TCF4: variants seen among roughly 807,000 people sequenced by gnomAD.
The protein encoded by TCF4 is transcription factor 4.
Under a neutral mutation model 82.1 loss-of-function variants are expected in TCF4, and 3 were observed. The observed-to-expected ratio is 0.04, with a 90% CI of 0.02 to 0.09. The LOEUF (loss-of-function observed/expected upper bound fraction) is 0.09. Ranked by LOEUF, TCF4 falls within the 10% of genes least tolerant of loss-of-function variation. The pLI, the probability that TCF4 is intolerant of heterozygous loss-of-function variation, is 1.00. For missense variants in TCF4, 518 were observed against 852.7 expected, an observed-to-expected ratio of 0.61 and a Z score of 4.89; for synonymous variants, 276 against 309.6, an observed-to-expected ratio of 0.89 and a Z score of 1.14.
At chr18:55,273,796 A>G (rs2060895134) in intron 10 of TCF4, among the ~76,000 whole-genome samples, 2 of 152,164 alleles carry the variant, frequency 1.3e-5, no homozygotes, top group East Asian at 1.9e-4. Context: ...TCTCTAGTTC[A>G]TAATATTGTT....
intron 2 of TCF4, among the ~76,000 whole-genome samples, chr18:55,619,459 A>G (rs573061188): frequency 1.3e-5 from 2 of 152,036 alleles, no homozygotes; most frequent in African/African-American, 4.8e-5. Flanking sequence ...GATAGTTTCT[A>G]TTTCAGTATA....
intron 6 of TCF4, among the ~76,000 whole-genome samples, chr18:55,388,474 A>G (rs971398898): frequency 1.3e-5 from 2 of 152,218 alleles, no homozygotes; most frequent in African/African-American, 2.4e-5. Context: ...TTTTTTGTCT[A>G]TGTAAAGACA....
chr18:55,392,701 G>GT (rs1264850258), intron 6 of TCF4, among the ~76,000 whole-genome samples: 15 of 151,702 alleles, frequency 9.9e-5, no homozygotes, highest in Non-Finnish European at 1.3e-4. Flanking sequence ...GTTTTGTTTT[G>GT]TTTTTTTAAC....
intron 5 of TCF4, among the ~76,000 whole-genome samples, chr18:55,432,100 G>A (rs1475554682): frequency 2.6e-5 from 4 of 152,144 alleles, no homozygotes; most frequent in African/African-American, 7.2e-5. Context: ...TCAGGAGTTC[G>A]AGACCAGCCT....
At chr18:55,477,089 C>T (rs1304647310) in intron 3 of TCF4, among the ~76,000 whole-genome samples, 1 of 152,152 alleles carries the variant, frequency 6.6e-6, no homozygotes, top group Non-Finnish European at 1.5e-5. Flanking sequence ...TGAAATTGGT[C>T]AGAGGAGTCT....
chr18:55,257,959 T>C (rs978733063), intron 13 of TCF4, among the ~76,000 whole-genome samples: 1 of 152,186 alleles, frequency 6.6e-6, no homozygotes, highest in Non-Finnish European at 1.5e-5. Context: ...TTATGATTCA[T>C]TAAACTTGAA....
chr18:55,436,427 T>C (rs2095330976), intron 5 of TCF4, among the ~76,000 whole-genome samples: 1 of 152,238 alleles, frequency 6.6e-6, no homozygotes, highest in South Asian at 2.1e-4. Flanking sequence ...TATTCTATGA[T>C]GTAAGAAAAC....
chr18:55,360,618 C>T (rs145854155), intron 6 of TCF4, among the ~76,000 whole-genome samples: 92 of 152,140 alleles, frequency 6.0e-4, no homozygotes, highest in Non-Finnish European at 1.1e-3. Context: ...GCTAAATCAA[C>T]CATACATAAT....
In TCF4 at chr18:55,303,226, T is replaced by TACACACACAC. The variant is rs74180496; in HGVS notation, c.550-23580_550-23571dup. Among the ~76,000 whole-genome samples, 543 of 136,058 alleles carry TACACACACAC rather than the reference T, an allele frequency of 4.0e-3. 2 individuals carry two copies. The highest frequency in any genetic ancestry group is 5.0e-3 in the African/African-American group (176 of 35,506). 89.3% of individuals were successfully genotyped at this position (136,058 alleles called of 152,430 possible). ...TACTTCCAACCTGGCTCCCAGTACGTACACACACACACACACACACACACA... is the reference window on the plus strand; with the variant it reads ...TACTTCCAACCTGGCTCCCAGTACGTACACACACACACACACACACACACACACACACACA... On this transcript the variant is annotated intron_variant, in intron 8 of 19. Transcript: ENST00000354452.
intron 15 of TCF4, among the ~76,000 whole-genome samples, chr18:55,250,428 C>G (rs1424542616): frequency 6.6e-6 from 1 of 152,198 alleles, no homozygotes; most frequent in Non-Finnish European, 1.5e-5. Flanking sequence ...AAGCTCCTAG[C>G]ATTTAAAATA....
At chr18:55,590,373 T>TG (rs2097682937), upstream of TCF4, among the ~76,000 whole-genome samples, 1 of 152,232 alleles carries the variant, frequency 6.6e-6, no homozygotes, top group Admixed American at 6.5e-5. Flanking sequence ...TATAGAGCGC[T>TG]GGAAGTGTGT....
At chr18:55,586,980 G>T in intron 2 of TCF4, 65 bp downstream of exon 2, 2 of 1,391,576 alleles carry the variant, frequency 1.4e-6, no homozygotes, top group Non-Finnish European at 2.0e-6. Flanking sequence ...GTTTCTAGCT[G>T]AAGTGTTTGG....
chr18:55,627,367 T>C (rs563161063), intron 2 of TCF4, among the ~76,000 whole-genome samples: 3 of 152,210 alleles, frequency 2.0e-5, no homozygotes, highest in East Asian at 3.9e-4. Context: ...GACCAATATA[T>C]ACATACATGA....
chr18:55,484,837 T>G (rs1432956802), intron 3 of TCF4, among the ~76,000 whole-genome samples: 1 of 152,256 alleles, frequency 6.6e-6, no homozygotes, highest in Non-Finnish European at 1.5e-5. Context: ...TATTTTTCTC[T>G]TCTTCCTTCT....
rs1261085 is a variant in TCF4 at position 55,222,736 on chromosome 18, T to C, written c.*5299A>G. On this transcript the variant is annotated 3_prime_UTR_variant, in exon 20 of 20. Coordinates refer to ENST00000354452, the MANE Select transcript of TCF4 (RefSeq NM_001083962.2). Reference sequence around the variant, plus strand: ...TGCAATGTTGAAATAGCCTCCAAATTTTGCAAAGTAGATTGATGTCCATTC... The same window carrying C: ...TGCAATGTTGAAATAGCCTCCAAATCTTGCAAAGTAGATTGATGTCCATTC... 0.43 allele frequency: 66,093 copies of C among 152,464 alleles called. 14,803 individuals carry two copies. The highest frequency in any genetic ancestry group is 0.56 in the African/African-American group (23,315 of 41,466). The allele number at this position is 152,464 out of a possible 1,614,324, so 9.4% of individuals were successfully genotyped here. A position where few individuals can be genotyped will look rare whatever the true frequency, so the allele number is the denominator to read the frequency against.
intron 8 of TCF4, among the ~76,000 whole-genome samples, chr18:55,316,026 A>G (rs548657169): frequency 1.3e-5 from 2 of 152,246 alleles, no homozygotes; most frequent in South Asian, 4.1e-4. Context: ...GGGCTAATAA[A>G]GTGCAATTAA....
At chr18:55,254,721 T>C (rs1177649986) in intron 14 of TCF4, 21 bp from the exon 15 acceptor site, 7 of 1,589,748 alleles carry the variant, frequency 4.4e-6, no homozygotes, top group Non-Finnish European at 6.0e-6. Context: ...ACAAATGATG[T>C]AAAATTTGAT....
At chr18:55,361,140 A>T (rs1231112474) in intron 6 of TCF4, among the ~76,000 whole-genome samples, 1 of 152,090 alleles carries the variant, frequency 6.6e-6, no homozygotes, top group East Asian at 1.9e-4. Context: ...CCCTCTCCCC[A>T]TCATCCAACC....
intron 6 of TCF4, among the ~76,000 whole-genome samples, chr18:55,399,638 G>T (rs576749970): frequency 2.8e-4 from 42 of 152,000 alleles, no homozygotes; most frequent in African/African-American, 9.4e-4. Flanking sequence ...TCAAATTAAT[G>T]CAAAAAGCCT....
Sources: allele counts gnomAD v4.1 joint callset (sites outside exome capture counted in the v4.1 genomes callset), GRCh38; gene constraint gnomAD v4.1.1; transcripts MANE v1.5; gene names NCBI Gene and HGNC (gene_info 2026-07-23, HGNC 2026-07-21).